The following PPIAL4G variants were observed in gnomAD, a reference collection of about 807,000 sequenced individuals.
PPIAL4G encodes peptidylprolyl isomerase A like 4G.
A neutral mutation model predicts 7.8 loss-of-function variants in PPIAL4G; 3 were observed. The observed-to-expected ratio is 0.39, with a 90% CI of 0.18 to 1.00. The LOEUF is 1.00. Among genes scored for constraint, PPIAL4G ranks in the 50% least tolerant of loss-of-function variants. The pLI is 0.37. For missense variants in PPIAL4G, 133 were observed against 208.6 expected (o/e 0.64, Z 2.23); for synonymous variants, 42 against 73.3 (o/e 0.57, Z 2.18).
rs1651932063 is a variant in PPIAL4G, at chr1:148,483,171, T to C, written c.82A>G (p.Lys28Glu). Residue 28 changes from lysine to glutamate, a missense_variant, in exon 1 of 1, where the codon AAG becomes GAG. By Grantham distance (56) the Lys-to-Glu change is moderately conservative. Transcript: ENST00000419275. Reference protein sequence around the residue: ...GRISIKQFADKIPKTAENFRA... With the variant: ...GRISIKQFADEIPKTAENFRA... ...AAGTTTTCTGCTGTCTTTGGAATCT[T>C]GTCTGCAAACTGTTTGATGGAGATG... 1.9e-6 allele frequency: 3 copies of C among 1,613,908 alleles called. No individual in the cohort carries two copies. The highest frequency in any genetic ancestry group is 2.5e-6 in the Non-Finnish European group (3 of 1,179,880).
Position 148,483,275 on chromosome 1 carries a change from G to A in PPIAL4G, c.-23C>T, listed in dbSNP as rs1201677251. The stretch of plus-strand genomic sequence containing the variant: ...CATGGCTGATAGTACAGGGCTCACA[G>A]CGATGGCGGCGTCTGCAAAGATAAC... On this transcript the variant is annotated 5_prime_UTR_variant, in exon 1 of 1. Transcript: ENST00000419275. 1.9e-6 allele frequency: 3 copies of A among 1,613,198 alleles called. No homozygotes were observed. The highest frequency in any genetic ancestry group is 4.5e-5 in the East Asian group (2 of 44,882).
chr1:148,483,021 T>C lies in PPIAL4G; in HGVS notation c.232A>G (p.Ile78Val), dbSNP rs1651923087. The C allele has an allele frequency of 2.5e-6, 4 of 1,612,950 alleles. No individual in the cohort carries two copies. The highest frequency in any genetic ancestry group is 3.4e-6 in the Non-Finnish European group (4 of 1,179,862). Residue 78 changes from isoleucine to valine, a missense_variant, in exon 1 of 1, where the codon ATC becomes GTC. Coordinates refer to ENST00000419275, the MANE Select transcript of PPIAL4G (RefSeq NM_001123068.3). ...THPNGTGDKS[I>V]YGEKFDDENL... ...TCATCATCAAATTTCTCCCCATAGA[T>C]GGACTTGTCACCGGTGCCATTAGGG...
Position 148,482,870 on chromosome 1 carries a change from G to A in PPIAL4G, c.383C>T (p.Ala128Val), listed in dbSNP as rs61824237. 0.16 allele frequency: 248,616 copies of A among 1,588,902 alleles called. 21,006 individuals are homozygous for A. Among genetic ancestry groups the A allele is most frequent in the East Asian group, 0.31 (13,666 of 44,444 alleles). Reference sequence around the variant, plus strand: ...CACACGTTCTTTCACCTTGCCAAAGGCCACATGCTTGCCATCCAACCACTC... The same window carrying A: ...CACACGTTCTTTCACCTTGCCAAAGACCACATGCTTGCCATCCAACCACTC... ...KTEWLDGKHVAFGKVKERVNI... is the reference protein window; with the variant it reads ...KTEWLDGKHVVFGKVKERVNI... The change falls in exon 1 of 1, where the codon GCC (alanine) becomes GTC (valine). Residue 128 changes from alanine to valine, a missense_variant. Transcript: ENST00000419275.
Position 148,483,214 on chromosome 1 carries a change from G to T in PPIAL4G, c.39C>A (p.Asp13Glu), listed in dbSNP as rs782608936. The change falls in exon 1 of 1, where the codon GAC becomes GAA. Residue 13 changes from aspartate (D) to glutamate (E), a missense_variant. Around this residue, in one of 2 missense-constraint regions of PPIAL4G, gnomAD observed 105 missense variants for 107.1 expected, o/e 0.98. Coordinates refer to ENST00000419275, the MANE Select transcript of PPIAL4G (RefSeq NM_001123068.3). Reference protein sequence around the residue: ...NSVIFFDITVDGKPLGRISIK... With the variant: ...NSVIFFDITVEGKPLGRISIK... ...TGGAGATGCGGCCCAAGGGCTTGCC[G>T]TCGACGGTGATGTCAAAAAAGATGA... The T allele has an allele frequency of 1.2e-6, 2 of 1,613,838 alleles. No individual in the cohort carries two copies. The highest frequency in any genetic ancestry group is 1.7e-6 in the Non-Finnish European group (2 of 1,179,870).
Position 148,483,164 on chromosome 1 carries a change from G to T in PPIAL4G, c.89C>A (p.Pro30Gln). 1 of 1,613,846 alleles carries T rather than the reference G, an allele frequency of 6.2e-7. No homozygotes were observed. The highest frequency in any genetic ancestry group is 1.7e-5 in the Admixed American group (1 of 60,010). The change falls in exon 1 of 1, where the codon CCA becomes CAA. Residue 30 changes from proline (P) to glutamine (Q), a missense_variant. Physicochemically the swap from Pro to Gln is moderately conservative, Grantham distance 76. This residue lies in a region of PPIAL4G where 105 missense variants were observed against 107.1 expected (regional missense o/e 0.98). Transcript: ENST00000419275. ...AGCACGAAAGTTTTCTGCTGTCTTT[G>T]GAATCTTGTCTGCAAACTGTTTGAT... is the stretch of plus-strand genomic sequence containing the variant. ...ISIKQFADKI[P>Q]KTAENFRALS...
Position 148,483,208 on chromosome 1 carries a change from C to T in PPIAL4G, c.45G>A (p.Lys15=). The T allele has an allele frequency of 1.9e-6, 3 of 1,613,864 alleles. No homozygotes were observed. ...VIFFDITVDG[K]PLGRISIKQF... ...GTTTGATGGAGATGCGGCCCAAGGG[C>T]TTGCCGTCGACGGTGATGTCAAAAA... The change falls in exon 1 of 1, where the codon AAG becomes AAA. Residue 15 remains lysine (K), a synonymous_variant. Coordinates refer to ENST00000419275, the MANE Select transcript of PPIAL4G (RefSeq NM_001123068.3).
Position 148,482,590 on chromosome 1 carries a change from C to A in PPIAL4G, c.*168G>T. ...TTTCATAATCATAAACTTAACTCTG[C>A]AATCCAGCTAGGCATGGAAGGGAAC... is the stretch of plus-strand genomic sequence containing the variant. On this transcript the variant is annotated 3_prime_UTR_variant, in exon 1 of 1. Transcript: ENST00000419275. 3.0e-6 allele frequency: 4 copies of A among 1,327,432 alleles called. No homozygotes were observed. The highest frequency in any genetic ancestry group is 4.1e-6 in the Non-Finnish European group (4 of 980,776). The allele number at this position is 1,327,432 out of a possible 1,614,324, so 82.2% of individuals were successfully genotyped here.
At position 148,483,036 on chromosome 1, in the gene PPIAL4G, T is replaced by A; in HGVS notation, c.217A>T (p.Thr73Ser). Residue 73 changes from threonine to serine, a missense_variant, in exon 1 of 1, where the codon ACC (threonine) becomes TCC (serine). Around this residue, in one of 2 missense-constraint regions of PPIAL4G, gnomAD observed 105 missense variants for 107.1 expected, o/e 0.98. Transcript: ENST00000419275. Reference sequence around the variant, plus strand: ...TCCCCATAGATGGACTTGTCACCGGTGCCATTAGGGTGTGTGAAGTCACCA... The same window carrying A: ...TCCCCATAGATGGACTTGTCACCGGAGCCATTAGGGTGTGTGAAGTCACCA... ...QGGDFTHPNG[T>S]GDKSIYGEKF... 1 of 1,613,178 alleles carries A rather than the reference T, an allele frequency of 6.2e-7. No homozygotes were observed. The highest frequency in any genetic ancestry group is 8.5e-7 in the Non-Finnish European group (1 of 1,179,858).
Position 148,483,213 on chromosome 1 carries a change from C to T in PPIAL4G, c.40G>A (p.Gly14Ser), listed in dbSNP as rs1553321604. 5.6e-6 allele frequency: 9 copies of T among 1,613,656 alleles called. No individual in the cohort carries two copies. The highest frequency in any genetic ancestry group is 5.0e-5 in the Admixed American group (3 of 59,986). The change falls in exon 1 of 1, where the codon GGC becomes AGC. Residue 14 changes from glycine (G) to serine (S), a missense_variant. By Grantham distance (56) the Gly-to-Ser change is moderately conservative (BLOSUM62 0). This residue lies in a region of PPIAL4G where 105 missense variants were observed against 107.1 expected (regional missense o/e 0.98). Coordinates refer to ENST00000419275, the MANE Select transcript of PPIAL4G (RefSeq NM_001123068.3). ...SVIFFDITVD[G>S]KPLGRISIKQ... ...ATGGAGATGCGGCCCAAGGGCTTGC[C>T]GTCGACGGTGATGTCAAAAAAGATG...
chr1:148,482,563 T>C lies in PPIAL4G; in HGVS notation c.*195A>G, dbSNP rs1651900115. On this transcript the variant is annotated 3_prime_UTR_variant, in exon 1 of 1. Transcript: ENST00000419275. ...GTTGTTGTTGTTGTTACTTAGTTTT[T>C]ATTTCATAATCATAAACTTAACTCT... 9.1e-7 allele frequency: 1 copy of C among 1,093,396 alleles called. No homozygotes were observed. The allele number at this position is 1,093,396 out of a possible 1,614,324, so 67.7% of individuals were successfully genotyped here.
At position 148,483,175 on chromosome 1, in the gene PPIAL4G, T is replaced by G. The variant is rs1651932339; in HGVS notation, c.78A>C (p.Ala26=). 6.2e-7 allele frequency: 1 copy of G among 1,613,802 alleles called. No individual in the cohort carries two copies. Among genetic ancestry groups the G allele is most frequent in the Non-Finnish European group, 8.5e-7 (1 of 1,179,892 alleles). The stretch of plus-strand genomic sequence containing the variant: ...TTTCTGCTGTCTTTGGAATCTTGTC[T>G]GCAAACTGTTTGATGGAGATGCGGC... The part of the protein sequence containing the change: ...PLGRISIKQF[A]DKIPKTAENF... Residue 26 remains alanine (A), a synonymous_variant, in exon 1 of 1, where the codon GCA becomes GCC. Transcript: ENST00000419275.
chr1:148,483,134 C>T lies in PPIAL4G; in HGVS notation c.119G>A (p.Ser40Asn), dbSNP rs782129939. Reference sequence around the variant, plus strand: ...ATAACGAAATCCTTTCTCTCCAGTGCTCAGAGCACGAAAGTTTTCTGCTGT... The same window carrying T: ...ATAACGAAATCCTTTCTCTCCAGTGTTCAGAGCACGAAAGTTTTCTGCTGT... Reference protein sequence around the residue: ...PKTAENFRALSTGEKGFRYKG... With the variant: ...PKTAENFRALNTGEKGFRYKG... Residue 40 changes from serine to asparagine, a missense_variant, in exon 1 of 1, where the codon AGC becomes AAC. By Grantham distance (46) the Ser-to-Asn change is conservative (BLOSUM62 1). This residue lies in a region of PPIAL4G where 105 missense variants were observed against 107.1 expected (regional missense o/e 0.98). Coordinates refer to ENST00000419275, the MANE Select transcript of PPIAL4G (RefSeq NM_001123068.3). The T allele has an allele frequency of 3.1e-6, 5 of 1,613,736 alleles. No individual in the cohort carries two copies. The highest frequency in any genetic ancestry group is 4.2e-6 in the Non-Finnish European group (5 of 1,179,872).
rs1651923582 is a variant in PPIAL4G, at chr1:148,483,031, A to G, written c.222T>C (p.Gly74=). The change falls in exon 1 of 1, where the codon GGT becomes GGC. Residue 74 remains glycine (G), a synonymous_variant. Transcript: ENST00000419275. ...GGDFTHPNGT[G]DKSIYGEKFD... Reference sequence around the variant, plus strand: ...ATTTCTCCCCATAGATGGACTTGTCACCGGTGCCATTAGGGTGTGTGAAGT... The same window carrying G: ...ATTTCTCCCCATAGATGGACTTGTCGCCGGTGCCATTAGGGTGTGTGAAGT... The G allele has an allele frequency of 3.7e-6, 6 of 1,613,108 alleles. No individual in the cohort carries two copies. The South Asian group carries it at 6.6e-5, about 18-fold the overall frequency.
Position 148,483,143 on chromosome 1 carries a change from C to T in PPIAL4G, c.110G>A (p.Arg37His), listed in dbSNP as rs587707407. The T allele has an allele frequency of 4.0e-5, 65 of 1,613,714 alleles. No individual in the cohort carries two copies. The highest frequency in any genetic ancestry group is 6.7e-5 in the Admixed American group (4 of 60,006). ...DKIPKTAENF[R>H]ALSTGEKGFR... ...TCCTTTCTCTCCAGTGCTCAGAGCA[C>T]GAAAGTTTTCTGCTGTCTTTGGAAT... The change falls in exon 1 of 1, where the codon CGT becomes CAT. Residue 37 changes from arginine (R) to histidine (H), a missense_variant. Physicochemically the swap from Arg to His is conservative, Grantham distance 29. Coordinates refer to ENST00000419275, the MANE Select transcript of PPIAL4G (RefSeq NM_001123068.3).
Position 148,482,941 on chromosome 1 carries a change from T to C in PPIAL4G, c.312A>G (p.Gly104=). 2 of 1,611,072 alleles carry C rather than the reference T, an allele frequency of 1.2e-6. No individual in the cohort carries two copies. Among genetic ancestry groups the C allele is most frequent in the South Asian group, 1.1e-5 (1 of 90,926 alleles). Residue 104 remains glycine (G), a synonymous_variant, in exon 1 of 1, where the codon GGA becomes GGG. Transcript: ENST00000419275. ...AAAACTGGGAACCATTTGTGTTGGG[T>C]CCAGCATTTGCCATGGACAAGATGC... ...GSGILSMANA[G]PNTNGSQFFI...
At position 148,482,893 on chromosome 1, in the gene PPIAL4G, C is replaced by T; in HGVS notation, c.360G>A (p.Glu120=). The stretch of plus-strand genomic sequence containing the variant: ...AGGCCACATGCTTGCCATCCAACCA[C>T]TCAGTCTTGGCAGTGCAGATGAAAA... ...SQFFICTAKT[E]WLDGKHVAFG... The change falls in exon 1 of 1, where the codon GAG becomes GAA. Residue 120 remains glutamate (E), a synonymous_variant. Coordinates refer to ENST00000419275, the MANE Select transcript of PPIAL4G (RefSeq NM_001123068.3). 1 of 1,605,112 alleles carries T rather than the reference C, an allele frequency of 6.2e-7. No homozygotes were observed. The highest frequency in any genetic ancestry group is 8.5e-7 in the Non-Finnish European group (1 of 1,175,142).
In PPIAL4G at chr1:148,483,032, C is replaced by T. The variant is rs6604514; in HGVS notation, c.221G>A (p.Gly74Asp). The change falls in exon 1 of 1, where the codon GGT becomes GAT. Residue 74 changes from glycine to aspartate, a missense_variant. Around this residue, in one of 2 missense-constraint regions of PPIAL4G, gnomAD observed 105 missense variants for 107.1 expected, o/e 0.98. Coordinates refer to ENST00000419275, the MANE Select transcript of PPIAL4G (RefSeq NM_001123068.3). ...GGDFTHPNGT[G>D]DKSIYGEKFD... ...TTTCTCCCCATAGATGGACTTGTCA[C>T]CGGTGCCATTAGGGTGTGTGAAGTC... 26 of 1,613,092 alleles carry T rather than the reference C, an allele frequency of 1.6e-5. No homozygotes were observed. The East Asian group carries it at 4.7e-4, about 29-fold the overall frequency.
rs1651936602 is a variant in PPIAL4G at position 148,483,236 on chromosome 1, A to G, written c.17T>C (p.Ile6Thr). The G allele has an allele frequency of 1.2e-6, 2 of 1,613,590 alleles. No individual in the cohort carries two copies. MVNSV[I>T]FFDITVDGKP... ...GCCGTCGACGGTGATGTCAAAAAAG[A>G]TGACGGAGTTGACCATGGCTGATAG... The change falls in exon 1 of 1, where the codon ATC becomes ACC. Residue 6 changes from isoleucine to threonine, a missense_variant. By Grantham distance (89) the Ile-to-Thr change is moderately conservative (BLOSUM62 -1). Transcript: ENST00000419275.
chr1:148,483,224 A>C lies in PPIAL4G; in HGVS notation c.29T>G (p.Ile10Ser). 6.2e-7 allele frequency: 1 copy of C among 1,613,788 alleles called. No homozygotes were observed. The highest frequency in any genetic ancestry group is 8.5e-7 in the Non-Finnish European group (1 of 1,179,878). ...GCCCAAGGGCTTGCCGTCGACGGTG[A>C]TGTCAAAAAAGATGACGGAGTTGAC... is the stretch of plus-strand genomic sequence containing the variant. The part of the protein sequence containing the change: MVNSVIFFD[I>S]TVDGKPLGRI... Residue 10 changes from isoleucine to serine, a missense_variant, in exon 1 of 1, where the codon ATC becomes AGC. Physicochemically the swap from Ile to Ser is moderately radical, Grantham distance 142 (BLOSUM62 -2). Coordinates refer to ENST00000419275, the MANE Select transcript of PPIAL4G (RefSeq NM_001123068.3).
Sources: gnomAD v4.1 joint callset for allele counts on GRCh38, gnomAD v4.1.1 for gene constraint, gnomAD v4.1.1 regional missense constraint, MANE v1.5 for transcripts, NCBI Gene and HGNC (gene_info 2026-07-23, HGNC 2026-07-21) for gene names.